SPATA6: variants seen among roughly 807,000 people sequenced by gnomAD.
SPATA6 encodes spermatogenesis-associated protein 6.
In SPATA6, 56 loss-of-function variants were observed where a neutral mutation model predicts 65.3. The observed-to-expected ratio is 0.86, with a 90% CI of 0.69 to 1.07. The LOEUF (loss-of-function observed/expected upper bound fraction) is 1.07, where lower values mean the gene tolerates loss of function less well. SPATA6 is among the 50% of genes least tolerant of loss of function. The pLI, the probability that SPATA6 is intolerant of heterozygous loss-of-function variation, is 0.00. For synonymous variants in SPATA6, 199 were observed against 213.2 expected (o/e 0.93, Z 0.58); for missense variants, 590 against 594.8 (o/e 0.99, Z 0.08).
chr1:48,373,722 G>A (rs75312563), intron 9 of SPATA6, among the ~76,000 whole-genome samples: 402 of 152,326 alleles, frequency 2.6e-3, no homozygotes, highest in African/African-American at 9.2e-3. Flanking sequence ...AGGGCAAAAG[G>A]CACTTCTTAC....
chr1:48,366,279 G>A (rs1172504268), intron 9 of SPATA6, among the ~76,000 whole-genome samples: 1 of 152,116 alleles, frequency 6.6e-6, no homozygotes, highest in Non-Finnish European at 1.5e-5. Context: ...TCTCTGCCCG[G>A]CTTTGGTATC....
intron 12 of SPATA6, among the ~76,000 whole-genome samples, chr1:48,300,036 C>T (rs553413908): frequency 6.6e-6 from 1 of 151,944 alleles, no homozygotes; most frequent in South Asian, 2.1e-4. Flanking sequence ...AGAGAGCGAG[C>T]GCATGCAAGA....
intron 9 of SPATA6, among the ~76,000 whole-genome samples, chr1:48,384,404 G>C (rs1367628916): frequency 1.3e-5 from 1 of 75,232 alleles, no homozygotes; most frequent in African/African-American, 6.5e-5. Flanking sequence ...GGGAGAGGGA[G>C]AGGGAGAGGG....
chr1:48,362,630 G>A (rs980022435), intron 9 of SPATA6, among the ~76,000 whole-genome samples: 1 of 151,186 alleles, frequency 6.6e-6, no homozygotes, highest in Non-Finnish European at 1.5e-5. Context: ...ATATGCTGAA[G>A]TGTCAAACAC....
At chr1:48,449,379 C>T (rs1656350635) in intron 3 of SPATA6, among the ~76,000 whole-genome samples, 1 of 152,166 alleles carries the variant, frequency 6.6e-6, no homozygotes, top group Non-Finnish European at 1.5e-5. Flanking sequence ...TGCAACTTGA[C>T]ATAATGCTGT....
intron 9 of SPATA6, among the ~76,000 whole-genome samples, chr1:48,360,887 G>C (rs78294053): frequency 2.6e-5 from 4 of 152,126 alleles, no homozygotes; most frequent in African/African-American, 9.7e-5. Context: ...AACTGGTCTC[G>C]ATGTCAAAGA....
intron 9 of SPATA6, among the ~76,000 whole-genome samples, chr1:48,373,590 T>A (rs1647546804): frequency 6.6e-6 from 1 of 152,194 alleles, no homozygotes; most frequent in Admixed American, 6.5e-5. Flanking sequence ...CCCACTCTAC[T>A]GGTAACAATT....
chr1:48,462,129 A>G (rs929450030), intron 1 of SPATA6, among the ~76,000 whole-genome samples: 2 of 150,726 alleles, frequency 1.3e-5, no homozygotes, highest in African/African-American at 4.9e-5. Flanking sequence ...TCACTCATAG[A>G]TGGGAATTGA....
intron 9 of SPATA6, among the ~76,000 whole-genome samples, chr1:48,376,094 A>C (rs2148872647): frequency 6.6e-6 from 1 of 152,276 alleles, no homozygotes; most frequent in East Asian, 1.9e-4. Context: ...TACAGCATTT[A>C]TCCCACTATT....
chr1:48,449,180 T>A (rs1340856831), intron 3 of SPATA6, among the ~76,000 whole-genome samples: 2 of 152,018 alleles, frequency 1.3e-5, no homozygotes, highest in Admixed American at 1.3e-4. Flanking sequence ...AGCTAATAAA[T>A]ACAAAAGAAT....
intron 11 of SPATA6, among the ~76,000 whole-genome samples, chr1:48,310,772 G>A (rs1645185350): frequency 6.6e-6 from 1 of 152,134 alleles, no homozygotes; most frequent in Non-Finnish European, 1.5e-5. Context: ...CCCAACGATA[G>A]CAAAATACAT....
At position 48,453,114 on chromosome 1, in the gene SPATA6, G is replaced by T; in HGVS notation, c.69C>A (p.Val23=). The part of the protein sequence containing the change: ...LEISSVTCPG[V]VLKDKEDIYL... ...AGATGTCCTCTTTGTCTTTAAGCACGACTCCTGGGCAAGTTACCTGAAAGA... is the reference window on the plus strand; with the variant it reads ...AGATGTCCTCTTTGTCTTTAAGCACTACTCCTGGGCAAGTTACCTGAAAGA... Residue 23 remains valine, a synonymous_variant, in exon 2 of 13, where the codon GTC becomes GTA. Transcript: ENST00000371847. 6.2e-7 allele frequency: 1 copy of T among 1,612,322 alleles called. No homozygotes were observed. Among genetic ancestry groups the T allele is most frequent in the Non-Finnish European group, 8.5e-7 (1 of 1,179,454 alleles).
At chr1:48,323,725 G>A (rs183472653) in intron 11 of SPATA6, among the ~76,000 whole-genome samples, 148 of 151,226 alleles carry the variant, frequency 9.8e-4, no homozygotes, top group South Asian at 5.7e-3. Context: ...TACTACGAGC[G>A]TCTGTATTCC....
chr1:48,436,881 G>A (rs894786786), intron 3 of SPATA6: 7 of 1,613,142 alleles, frequency 4.3e-6, no homozygotes, highest in Non-Finnish European at 5.9e-6. Flanking sequence ...AAAATTCCCG[G>A]TCAGGTGTAG....
At chr1:48,459,283 A>C (rs1247556372) in intron 1 of SPATA6, among the ~76,000 whole-genome samples, 4 of 151,958 alleles carry the variant, frequency 2.6e-5, no homozygotes, top group Non-Finnish European at 5.9e-5. Context: ...GACTAATAAA[A>C]GTGAAATGAG....
In SPATA6 at chr1:48,305,828, A is replaced by G. The variant is rs531204712; in HGVS notation, c.1245T>C (p.Leu415=). Residue 415 remains leucine (L), a synonymous_variant, in exon 12 of 13, where the codon CTT becomes CTC. Transcript: ENST00000371847. ...TGTCATAGGCAGAGTCTCTACATAAAAGACTTCTTTTCAGTTCCAGTTCAT... is the reference window on the plus strand; with the variant it reads ...TGTCATAGGCAGAGTCTCTACATAAGAGACTTCTTTTCAGTTCCAGTTCAT... The part of the protein sequence containing the change: ...KDDELELKRS[L]LCRDSAYDSD... 1.2e-6 allele frequency: 2 copies of G among 1,612,364 alleles called. No homozygotes were observed. Among genetic ancestry groups the G allele is most frequent in the South Asian group, 2.2e-5 (2 of 91,000 alleles).
chr1:48,276,102 A>T, the SPATA6 span, among the ~76,000 whole-genome samples: 3 of 151,758 alleles, frequency 2.0e-5, no homozygotes, highest in Non-Finnish European at 4.4e-5. Flanking sequence ...TTTCTTCTAC[A>T]TTTTCTAGTT....
chr1:48,339,162 C>T (rs1646138412), intron 11 of SPATA6, among the ~76,000 whole-genome samples: 1 of 151,738 alleles, frequency 6.6e-6, no homozygotes, highest in Non-Finnish European at 1.5e-5. Flanking sequence ...AAGATAAGGA[C>T]CTAAAAGGTT....
chr1:48,423,877 T>C (rs1161149783), intron 3 of SPATA6, among the ~76,000 whole-genome samples: 1 of 152,170 alleles, frequency 6.6e-6, no homozygotes, highest in African/African-American at 2.4e-5. Context: ...TGTAGGTACA[T>C]ACATAGTACA....
Sources: gnomAD v4.1 joint callset for allele counts (sites outside exome capture counted in the v4.1 genomes callset) on GRCh38, gnomAD v4.1.1 for gene constraint, MANE v1.5 for transcripts, NCBI Gene and HGNC (gene_info 2026-07-23, HGNC 2026-07-21) for gene names.